BTBD9: variants seen among roughly 807,000 people sequenced by gnomAD.
The protein encoded by BTBD9 is BTB domain containing 9, also known as BTB/POZ domain-containing protein 9.
In BTBD9, 49 loss-of-function variants were observed where a neutral mutation model predicts 64.3. That is an observed-to-expected ratio of 0.76 (90% CI 0.61 to 0.97). BTBD9 has a LOEUF of 0.97. Among genes scored for constraint, BTBD9 ranks in the 50% least tolerant of loss-of-function variants. BTBD9 has a pLI of 0.00. For missense variants in BTBD9, 598 were observed against 762.1 expected, an observed-to-expected ratio of 0.78 and a Z score of 2.53; for synonymous variants, 260 against 274.7, an observed-to-expected ratio of 0.95 and a Z score of 0.53.
At chr6:38,355,152 T>C (rs1324025109) in intron 6 of BTBD9, among the ~76,000 whole-genome samples, 1 of 152,186 alleles carries the variant, frequency 6.6e-6, no homozygotes, top group African/African-American at 2.4e-5. Context: ...AGAACTTTAA[T>C]GCAAGCAAAA....
chr6:38,454,743 G>A (rs1050784002), intron 6 of BTBD9, among the ~76,000 whole-genome samples: 2 of 151,276 alleles, frequency 1.3e-5, no homozygotes, highest in South Asian at 2.1e-4. Context: ...GCTGCAGTGA[G>A]CTATGAATGA....
In BTBD9 at chr6:38,582,893, A is replaced by G. The variant is rs942583279; in HGVS notation, c.815-2456T>C. ...GTAACATATAAAGCGCTCATTCAGT[A>G]TTCAGTCAAAAGGCATTTTTCTGAG... On this transcript the variant is annotated intron_variant, in intron 4 of 10. Coordinates refer to ENST00000481247, the MANE Select transcript of BTBD9 (RefSeq NM_001099272.2). Among the ~76,000 whole-genome samples the G allele has an allele frequency of 5.9e-5, 9 of 152,306 alleles. No homozygotes were observed. The South Asian group carries it at 1.7e-3, about 28-fold the overall frequency.
chr6:38,354,530 A>G (rs1179155633), intron 6 of BTBD9, among the ~76,000 whole-genome samples: 1 of 152,206 alleles, frequency 6.6e-6, no homozygotes, highest in African/African-American at 2.4e-5. Flanking sequence ...TCTACAAGCT[A>G]TGTAAAGAAA....
intron 6 of BTBD9, among the ~76,000 whole-genome samples, chr6:38,463,447 C>A (rs1322788366): frequency 6.6e-6 from 1 of 152,250 alleles, no homozygotes; most frequent in Non-Finnish European, 1.5e-5. Flanking sequence ...ATATCCCCAA[C>A]ATAGTCCTGA....
intron 6 of BTBD9, among the ~76,000 whole-genome samples, chr6:38,467,004 A>G (rs1242406852): frequency 6.6e-6 from 1 of 152,218 alleles, no homozygotes; most frequent in African/African-American, 2.4e-5. Context: ...TGCATAACCA[A>G]ACATACATGG....
At chr6:38,501,339 G>A (rs1772188852) in intron 6 of BTBD9, among the ~76,000 whole-genome samples, 1 of 152,186 alleles carries the variant, frequency 6.6e-6, no homozygotes. Flanking sequence ...TGCTCAACCA[G>A]TAGGTATAAT....
At chr6:38,473,612 G>A (rs529625768) in intron 6 of BTBD9, among the ~76,000 whole-genome samples, 2 of 152,262 alleles carry the variant, frequency 1.3e-5, no homozygotes, top group African/African-American at 4.8e-5. Flanking sequence ...CTGGGATGGT[G>A]TCTCTTATTC....
intron 9 of BTBD9, among the ~76,000 whole-genome samples, chr6:38,230,367 T>C (rs2127516599): frequency 6.6e-6 from 1 of 152,008 alleles, no homozygotes; most frequent in South Asian, 2.1e-4. Context: ...TGGTGGCAGG[T>C]TCCTATAGTC....
At chr6:38,285,973 G>A (rs1761711398) in intron 8 of BTBD9, among the ~76,000 whole-genome samples, 1 of 152,224 alleles carries the variant, frequency 6.6e-6, no homozygotes, top group Non-Finnish European at 1.5e-5. Context: ...TTACTAAATA[G>A]ATGGTTTACA....
At chr6:38,349,944 TAAGCA>T (rs1764436217) in intron 6 of BTBD9, among the ~76,000 whole-genome samples, 3 of 152,198 alleles carry the variant, frequency 2.0e-5, no homozygotes, top group African/African-American at 7.2e-5. Flanking sequence ...CTGTCTTAGC[TAAGCA>T]TGAGGAAGCA....
intron 10 of BTBD9, chr6:38,179,972 C>T (rs903678703): frequency 5.1e-6 from 2 of 391,230 alleles, no homozygotes; most frequent in Non-Finnish European, 1.0e-5. Flanking sequence ...CTCCTGGCAG[C>T]CTGTCTGTAA....
At chr6:38,581,565 G>A (rs560092684) in intron 4 of BTBD9, among the ~76,000 whole-genome samples, 14 of 152,246 alleles carry the variant, frequency 9.2e-5, no homozygotes, top group Non-Finnish European at 5.9e-5. Flanking sequence ...TGTAAATTAT[G>A]CTTCACAGAT....
chr6:38,177,317 C>A (rs1289454722), intron 10 of BTBD9, among the ~76,000 whole-genome samples: 3 of 152,166 alleles, frequency 2.0e-5, no homozygotes, highest in Non-Finnish European at 2.9e-5. Flanking sequence ...TCTCTACAGT[C>A]CTGTTAATTT....
At chr6:38,404,540 G>C (rs566039442) in intron 6 of BTBD9, among the ~76,000 whole-genome samples, 2 of 133,172 alleles carry the variant, frequency 1.5e-5, no homozygotes, top group South Asian at 5.3e-4. Context: ...CTTCCGCCCA[G>C]AGCAAGTCAA....
chr6:38,407,388 C>A (rs1767216341), intron 6 of BTBD9, among the ~76,000 whole-genome samples: 1 of 152,034 alleles, frequency 6.6e-6, no homozygotes, highest in Non-Finnish European at 1.5e-5. Flanking sequence ...TAGGGAATCA[C>A]TTTTGAGTTC....
At chr6:38,594,441 G>A in intron 2 of BTBD9, 114 bp from the exon 3 acceptor site, 1 of 1,287,256 alleles carries the variant, frequency 7.8e-7, no homozygotes, top group Non-Finnish European at 1.0e-6. Context: ...ATGACACAAA[G>A]ATCCAAGTGA....
chr6:38,283,911 T>C (rs1203770769), intron 8 of BTBD9, among the ~76,000 whole-genome samples: 1 of 152,192 alleles, frequency 6.6e-6, no homozygotes, highest in Non-Finnish European at 1.5e-5. Flanking sequence ...CTGTCATTGG[T>C]CAATTACTCA....
At chr6:38,325,443 T>C (rs1215451596) in intron 7 of BTBD9, among the ~76,000 whole-genome samples, 1 of 152,218 alleles carries the variant, frequency 6.6e-6, no homozygotes. Context: ...CCCAGCACTT[T>C]GGGAGGCCGA....
intron 10 of BTBD9, 26 bp downstream of exon 10, chr6:38,192,493 C>G: frequency 6.3e-7 from 1 of 1,589,786 alleles, no homozygotes; most frequent in South Asian, 1.1e-5. Flanking sequence ...AATCTCATGG[C>G]ACCTCTCATG....
Sources: allele counts gnomAD v4.1 joint callset (sites outside exome capture counted in the v4.1 genomes callset), GRCh38; gene constraint gnomAD v4.1.1; transcripts MANE v1.5; gene names NCBI Gene and HGNC (gene_info 2026-07-23, HGNC 2026-07-21).